BICRAL: variants seen among roughly 807,000 people sequenced by gnomAD.
BICRAL encodes BICRA like chromatin remodeling complex associated protein, also known as BRD4-interacting chromatin-remodeling complex-associated protein-like.
Under a neutral mutation model 91.8 loss-of-function variants are expected in BICRAL, and 8 were observed. The observed-to-expected ratio is 0.09, with a 90% CI of 0.05 to 0.16. The LOEUF (loss-of-function observed/expected upper bound fraction) is 0.16. Ranked by LOEUF, BICRAL falls within the 10% of genes least tolerant of loss-of-function variation. The pLI is 1.00. For missense variants in BICRAL, 1,038 were observed against 1,310.9 expected, an observed-to-expected ratio of 0.79 and a Z score of 3.21; for synonymous variants, 445 against 491.1, an observed-to-expected ratio of 0.91 and a Z score of 1.24.
At chr6:42,791,585 A>G (rs1478391813) in intron 1 of BICRAL, among the ~76,000 whole-genome samples, 2 of 152,172 alleles carry the variant, frequency 1.3e-5, no homozygotes, top group East Asian at 3.9e-4. Context: ...ATATTTGTTA[A>G]ACCTTCACCT....
chr6:42,845,497 ATG>A (rs1413400626), intron 6 of BICRAL, among the ~76,000 whole-genome samples: 1 of 151,394 alleles, frequency 6.6e-6, no homozygotes, highest in Non-Finnish European at 1.5e-5. Context: ...TGTTTGGGAG[ATG>A]TGTTTTGTGA....
intron 12 of BICRAL, among the ~76,000 whole-genome samples, chr6:42,864,241 G>A (rs1765641920): frequency 6.6e-6 from 1 of 151,908 alleles, no homozygotes; most frequent in Non-Finnish European, 1.5e-5. Context: ...TCGAGAGGCT[G>A]AGGCAGGAGA....
At chr6:42,759,645 G>A (rs911549121) in intron 1 of BICRAL, among the ~76,000 whole-genome samples, 2 of 152,136 alleles carry the variant, frequency 1.3e-5, no homozygotes, top group Non-Finnish European at 2.9e-5. Flanking sequence ...CAAGCTGGTA[G>A]GTCCCTTTAC....
intron 8 of BICRAL, among the ~76,000 whole-genome samples, chr6:42,854,971 T>C (rs1487793923): frequency 6.6e-6 from 1 of 152,244 alleles, no homozygotes; most frequent in Non-Finnish European, 1.5e-5. Context: ...TTCAGCTTAC[T>C]AAGACAGTTT....
chr6:42,786,558 G>A (rs1763108916), intron 1 of BICRAL, among the ~76,000 whole-genome samples: 1 of 152,132 alleles, frequency 6.6e-6, no homozygotes, highest in Non-Finnish European at 1.5e-5. Flanking sequence ...CAAGATCTCT[G>A]CACTCATGAA....
In BICRAL at chr6:42,828,544, G is replaced by C. The variant is rs749046345; in HGVS notation, c.211G>C (p.Gly71Arg). ...AGGTGTAAGCAACCAGCTTGGAGAA[G>C]GGCCCAGTGATGGACTGCCACTTTC... ...LKGVSNQLGE[G>R]PSDGLPLSSS... The change falls in exon 6 of 13, where the codon GGG (glycine) becomes CGG (arginine). Residue 71 changes from glycine (G) to arginine (R), a missense_variant. Transcript: ENST00000314073. 3.1e-6 allele frequency: 5 copies of C among 1,613,754 alleles called. No homozygotes were observed. In the East Asian group the frequency reaches 1.1e-4, roughly 36 times the overall value.
At chr6:42,837,794 T>C (rs1167055805) in intron 6 of BICRAL, among the ~76,000 whole-genome samples, 2 of 151,806 alleles carry the variant, frequency 1.3e-5, no homozygotes, top group African/African-American at 4.8e-5. Context: ...GAAAGATGTG[T>C]ACTACAATGA....
chr6:42,852,023 G>T, intron 6 of BICRAL, 69 bp from the exon 7 acceptor site: 3 of 932,374 alleles, frequency 3.2e-6, no homozygotes, highest in Non-Finnish European at 1.7e-6. Context: ...AGGCTTGGTT[G>T]GTATTTAAAA....
intron 1 of BICRAL, among the ~76,000 whole-genome samples, chr6:42,792,634 C>T (rs1042698539): frequency 3.3e-5 from 4 of 121,452 alleles, no homozygotes. Context: ...GAAATTGATG[C>T]TGAGTGTGGT....
chr6:42,785,912 G>T (rs1763092525), intron 1 of BICRAL, among the ~76,000 whole-genome samples: 1 of 152,236 alleles, frequency 6.6e-6, no homozygotes, highest in East Asian at 1.9e-4. Context: ...AAATTAGCCG[G>T]GCTTGGTGGG....
chr6:42,754,060 G>A (rs1047780557), intron 1 of BICRAL, among the ~76,000 whole-genome samples: 2 of 150,802 alleles, frequency 1.3e-5, no homozygotes, highest in South Asian at 2.1e-4. Context: ...CCAAAGTGCT[G>A]GGATTACAGG....
intron 1 of BICRAL, among the ~76,000 whole-genome samples, chr6:42,806,001 CAAA>C (rs1232245289): frequency 2.2e-5 from 2 of 91,506 alleles, no homozygotes; most frequent in East Asian, 6.3e-4. Flanking sequence ...GACTCCATCT[CAAA>C]AAAAAAAAAC....
chr6:42,814,522 T>TG (rs1562475060), intron 2 of BICRAL, among the ~76,000 whole-genome samples: 1 of 59,502 alleles, frequency 1.7e-5, no homozygotes, highest in South Asian at 8.3e-4. Flanking sequence ...TATATATATT[T>TG]TTTTTTTTTT....
upstream of BICRAL, among the ~76,000 whole-genome samples, chr6:42,780,219 G>C (rs1762867685): frequency 6.6e-6 from 1 of 152,074 alleles, no homozygotes; most frequent in African/African-American, 2.4e-5. Context: ...AAGATCTTCT[G>C]TGTTGAATAT....
rs141243818 is a variant in BICRAL, at chr6:42,787,304, G to A, written c.-102+5203G>A. On this transcript the variant is annotated intron_variant, in intron 1 of 12. Transcript: ENST00000314073. ...AGGAACAGGTGGAGAGGAGTGGGTA[G>A]CAAGAGTTCTGTGTAAATACTTGGG... 4.3e-3 allele frequency among the ~76,000 whole-genome samples: 654 copies of A among 152,278 alleles called. 3 individuals are homozygous for A. Among genetic ancestry groups the A allele is most frequent in the African/African-American group, 0.015 (613 of 41,560 alleles).
intron 10 of BICRAL, among the ~76,000 whole-genome samples, chr6:42,859,965 G>C (rs143136326): frequency 6.6e-6 from 1 of 151,994 alleles, no homozygotes; most frequent in Non-Finnish European, 1.5e-5. Flanking sequence ...TATTTATTGC[G>C]AGTCTGTTAT....
intron 6 of BICRAL, among the ~76,000 whole-genome samples, chr6:42,843,515 A>C (rs537729091): frequency 2.0e-4 from 30 of 152,300 alleles, no homozygotes; most frequent in African/African-American, 7.2e-4. Flanking sequence ...AGATGACGAG[A>C]CATGAATGGA....
intron 1 of BICRAL, among the ~76,000 whole-genome samples, chr6:42,776,903 C>T (rs1762815651): frequency 6.6e-6 from 1 of 152,186 alleles, no homozygotes; most frequent in Admixed American, 6.5e-5. Context: ...ACTTTACCCC[C>T]TTAATATATG....
intron 1 of BICRAL, among the ~76,000 whole-genome samples, chr6:42,796,889 C>T: frequency 6.6e-6 from 1 of 151,710 alleles, no homozygotes. Flanking sequence ...CTACTAAAAG[C>T]ACAAAATTAG....
Sources: allele counts gnomAD v4.1 joint callset (sites outside exome capture counted in the v4.1 genomes callset), GRCh38; gene constraint gnomAD v4.1.1; transcripts MANE v1.5; gene names NCBI Gene and HGNC (gene_info 2026-07-23, HGNC 2026-07-21).